The following AAMDC variants were observed in gnomAD, a reference collection of about 807,000 sequenced individuals.
The protein encoded by AAMDC is mth938 domain-containing protein.
AAMDC carries 16 observed loss-of-function variants against 15.5 expected under a neutral mutation model. That is an observed-to-expected ratio of 1.03 (90% CI 0.70 to 1.57). The LOEUF (loss-of-function observed/expected upper bound fraction) is 1.57, where lower values mean the gene tolerates loss of function less well. Among genes scored for constraint, AAMDC ranks in the 40% most tolerant of loss-of-function variants. AAMDC has a pLI of 0.00. For synonymous variants in AAMDC, 51 were observed against 51.6 expected, an observed-to-expected ratio of 0.99 and a Z score of 0.05; for missense variants, 141 against 144.9, an observed-to-expected ratio of 0.97 and a Z score of 0.14.
chr11:77,895,201 A>C (rs1313783495), intron 5 of AAMDC, among the ~76,000 whole-genome samples: 1 of 151,992 alleles, frequency 6.6e-6, no homozygotes, highest in Non-Finnish European at 1.5e-5. Context: ...ACCTTTGCAT[A>C]TTTTCTTCCT....
At chr11:77,891,465 G>C in intron 5 of AAMDC, 1 of 1,613,648 alleles carries the variant, frequency 6.2e-7, no homozygotes, top group Non-Finnish European at 8.5e-7. Context: ...TTGTGGATCT[G>C]TAAGCAAGAG....
At chr11:77,868,141 T>C (rs1012817773) in intron 2 of AAMDC, among the ~76,000 whole-genome samples, 3 of 150,768 alleles carry the variant, frequency 2.0e-5, no homozygotes, top group South Asian at 4.3e-4. Flanking sequence ...CTGCAAGCTC[T>C]GCCTCCCAGG....
intron 1 of AAMDC, among the ~76,000 whole-genome samples, chr11:77,836,747 C>T (rs1949698921): frequency 6.6e-6 from 1 of 152,194 alleles, no homozygotes; most frequent in Admixed American, 6.5e-5. Context: ...GGGTGGATCG[C>T]CTGAGGCTGG....
At chr11:77,887,536 A>G (rs1952067362) in intron 5 of AAMDC, among the ~76,000 whole-genome samples, 2 of 151,990 alleles carry the variant, frequency 1.3e-5, no homozygotes, top group Non-Finnish European at 2.9e-5. Flanking sequence ...CTCTCTCAGC[A>G]CTCCTATTCA....
At chr11:77,849,451 T>C (rs1195833426) in intron 2 of AAMDC, among the ~76,000 whole-genome samples, 1 of 152,200 alleles carries the variant, frequency 6.6e-6, no homozygotes, top group African/African-American at 2.4e-5. Flanking sequence ...CTCAAACTCC[T>C]GACCTCAGGT....
chr11:77,822,414 C>CAAA (rs66463325), intron 1 of AAMDC, among the ~76,000 whole-genome samples: 1,181 of 73,670 alleles, frequency 0.016, 39 homozygotes, highest in African/African-American at 0.031. Context: ...GACTCCACCT[C>CAAA]AAAAAAAAAA....
chr11:77,884,326 T>C (rs1951906030), intron 5 of AAMDC, among the ~76,000 whole-genome samples: 1 of 152,176 alleles, frequency 6.6e-6, no homozygotes, highest in African/African-American at 2.4e-5. Flanking sequence ...ACCACCAGTA[T>C]TTGGAGTTAT....
chr11:77,835,986 G>C (rs2136102152), intron 1 of AAMDC, among the ~76,000 whole-genome samples: 1 of 152,264 alleles, frequency 6.6e-6, no homozygotes, highest in Admixed American at 6.5e-5. Flanking sequence ...ATGCTGTAGA[G>C]TCAGACAGAC....
intron 5 of AAMDC, chr11:77,891,668 A>C: frequency 6.2e-7 from 1 of 1,611,916 alleles, no homozygotes; most frequent in South Asian, 1.1e-5. Context: ...ACAGGGGCCA[A>C]ATAGACCCTG....
chr11:77,905,691 G>A (rs1486620473), downstream of AAMDC, among the ~76,000 whole-genome samples: 1 of 152,240 alleles, frequency 6.6e-6, no homozygotes. Flanking sequence ...GACTGCATAT[G>A]CAGTGGTGAC....
chr11:77,821,525 C>T (rs562414757), intron 1 of AAMDC, among the ~76,000 whole-genome samples: 10 of 151,926 alleles, frequency 6.6e-5, no homozygotes, highest in African/African-American at 2.2e-4. Context: ...GGGGAATCGT[C>T]GGAGTGAGGA....
chr11:77,832,300 A>T (rs1949465846), intron 1 of AAMDC, among the ~76,000 whole-genome samples: 1 of 150,764 alleles, frequency 6.6e-6, no homozygotes, highest in African/African-American at 2.5e-5. Context: ...TTATAAGTTT[A>T]TAAAAAATGA....
At position 77,857,461 on chromosome 11, in the gene AAMDC, T is replaced by A. The variant is rs982463586; in HGVS notation, c.133-12261T>A. 3.9e-5 allele frequency among the ~76,000 whole-genome samples: 6 copies of A among 152,354 alleles called. No homozygotes were observed. In the South Asian group the frequency reaches 1.0e-3, roughly 26 times the overall value. On this transcript the variant is annotated intron_variant, in intron 2 of 3. Transcript: ENST00000393427. ...ATAAATATTTATTTTTATAGGAATA[T>A]CTACAAATATTTATTTTTGTAGGAA... is the stretch of plus-strand genomic sequence containing the variant.
At chr11:77,873,995 C>CAATCT (rs1296431117), downstream of AAMDC, among the ~76,000 whole-genome samples, 1 of 152,226 alleles carries the variant, frequency 6.6e-6, no homozygotes, top group African/African-American at 2.4e-5. Context: ...CTACAGGGAC[C>CAATCT]AATCTATAGA....
intron 1 of AAMDC, among the ~76,000 whole-genome samples, chr11:77,825,806 C>T (rs1346451105): frequency 6.6e-6 from 1 of 151,984 alleles, no homozygotes; most frequent in Admixed American, 6.5e-5. Context: ...ATTCTCCTGC[C>T]TCAGCCTCCC....
At chr11:77,872,592 A>T (rs1951480827), downstream of AAMDC, among the ~76,000 whole-genome samples, 1 of 152,208 alleles carries the variant, frequency 6.6e-6, no homozygotes, top group Non-Finnish European at 1.5e-5. Context: ...GTTGGGTTCT[A>T]GACAGGCTGT....
intron 1 of AAMDC, among the ~76,000 whole-genome samples, chr11:77,833,747 C>G (rs1949558860): frequency 6.6e-6 from 1 of 152,172 alleles, no homozygotes; most frequent in African/African-American, 2.4e-5. Flanking sequence ...TCTACTCACC[C>G]TGGACTTAGC....
intron 2 of AAMDC, among the ~76,000 whole-genome samples, chr11:77,851,708 T>C (rs146564847): frequency 1.8e-4 from 28 of 152,116 alleles, no homozygotes; most frequent in African/African-American, 6.5e-4. Flanking sequence ...TTTCATCATA[T>C]GACATGCCTA....
At chr11:77,888,599 C>T (rs1952122511) in intron 5 of AAMDC, among the ~76,000 whole-genome samples, 1 of 152,170 alleles carries the variant, frequency 6.6e-6, no homozygotes, top group Admixed American at 6.5e-5. Context: ...TAAAGAGCTT[C>T]TGCACAGCAA....
Sources: allele counts gnomAD v4.1 joint callset (sites outside exome capture counted in the v4.1 genomes callset), GRCh38; gene constraint gnomAD v4.1.1; transcripts MANE v1.5; gene names NCBI Gene and HGNC (gene_info 2026-07-23, HGNC 2026-07-21).